ABHD3: variants seen among roughly 807,000 people sequenced by gnomAD.
ABHD3 encodes the protein abhydrolase domain containing 3, phospholipase.
In ABHD3, 46 loss-of-function variants were observed where a neutral mutation model predicts 48.8. The ratio of observed to expected loss-of-function variants is 0.94; its 90% CI spans 0.74 to 1.20. The LOEUF (loss-of-function observed/expected upper bound fraction) is 1.20, where lower values mean the gene tolerates loss of function less well. Among genes scored for constraint, ABHD3 ranks in the 50% most tolerant of loss-of-function variants. The pLI, the probability that ABHD3 is intolerant of heterozygous loss-of-function variation, is 0.00. For synonymous variants in ABHD3, 192 were observed against 183.7 expected (o/e 1.04, Z -0.36); for missense variants, 490 against 497.8 (o/e 0.98, Z 0.15).
intron 5 of ABHD3, 28 bp from the exon 6 acceptor site, chr18:21,659,371 G>C: frequency 1.3e-6 from 2 of 1,590,054 alleles, no homozygotes; most frequent in Non-Finnish European, 1.7e-6. Flanking sequence ...AGGAAACTCA[G>C]TGATTAATTT....
chr18:21,653,980 G>A (rs1236679818), intron 8 of ABHD3, among the ~76,000 whole-genome samples: 3 of 151,712 alleles, frequency 2.0e-5, no homozygotes, highest in Non-Finnish European at 4.4e-5. Context: ...TGAGTAGCTG[G>A]GATCACAGGT....
chr18:21,664,126 T>C lies in ABHD3; in HGVS notation c.660A>G (p.Ser220=). The C allele has an allele frequency of 6.2e-7, 1 of 1,608,528 alleles. No individual in the cohort carries two copies. Residue 220 remains serine (S), a synonymous_variant, in exon 5 of 9, where the codon TCA becomes TCG. Coordinates refer to ENST00000289119, the MANE Select transcript of ABHD3 (RefSeq NM_138340.5). Reference sequence around the variant, plus strand: ...GAAAGGGAAAACCTTACCCTCCCATTGAAACCCCTGCTGCCAGGAAAGGAG... The same window carrying C: ...GAAAGGGAAAACCTTACCCTCCCATCGAAACCCCTGCTGCCAGGAAAGGAG... ...PSAPFLAAGV[S]MGGMLLLNYL... is the part of the protein sequence containing the mutation.
chr18:21,667,209 G>T (rs2039651655), intron 4 of ABHD3, among the ~76,000 whole-genome samples: 1 of 147,456 alleles, frequency 6.8e-6, no homozygotes, highest in Non-Finnish European at 1.5e-5. Context: ...ATGTAGCTGG[G>T]ATTACAGGCG....
At chr18:21,701,546 A>T (rs1383881404) in intron 3 of ABHD3, 1 of 152,128 alleles carries the variant, frequency 6.6e-6, no homozygotes, top group Non-Finnish European at 1.5e-5. Context: ...AGCTTTTCAC[A>T]CAAGTGTTTC....
chr18:21,695,226 C>T (rs2040343572), intron 3 of ABHD3, among the ~76,000 whole-genome samples: 2 of 152,180 alleles, frequency 1.3e-5, no homozygotes. Flanking sequence ...GATGGGGTTT[C>T]ACCATGTTGG....
intron 3 of ABHD3, among the ~76,000 whole-genome samples, chr18:21,700,922 C>T (rs1172030505): frequency 7.6e-6 from 1 of 131,798 alleles, no homozygotes; most frequent in African/African-American, 3.0e-5. Flanking sequence ...CACTGCGCTC[C>T]ATGCTGGGCA....
chr18:21,690,505 G>A (rs150900271), intron 3 of ABHD3, among the ~76,000 whole-genome samples: 22,263 of 152,006 alleles, frequency 0.15, 1,950 homozygotes, highest in Middle Eastern at 0.26. Context: ...AGGAGGTTGA[G>A]GCAGGAGAAT....
intron 4 of ABHD3, among the ~76,000 whole-genome samples, chr18:21,674,211 A>G (rs2039822957): frequency 6.8e-6 from 1 of 148,016 alleles, no homozygotes; most frequent in South Asian, 2.1e-4. Flanking sequence ...CTCTTCCATT[A>G]TTCAACAAAA....
At position 21,673,025 on chromosome 18, in the gene ABHD3, T is replaced by C. The variant is rs992910940; in HGVS notation, c.556-8795A>G. 8.5e-5 allele frequency among the ~76,000 whole-genome samples: 13 copies of C among 152,316 alleles called. 1 individual carries two copies. The highest frequency in any genetic ancestry group is 8.5e-4 in the Admixed American group (13 of 15,306). Reference sequence around the variant, plus strand: ...CGTGCATGCTCATGATGTCAGGTTATACAAGCTACACCAATAAATGAGCAG... The same window carrying C: ...CGTGCATGCTCATGATGTCAGGTTACACAAGCTACACCAATAAATGAGCAG... On this transcript the variant is annotated intron_variant, in intron 4 of 8. Transcript: ENST00000289119.
In ABHD3 at chr18:21,686,080, G is replaced by C. The variant is rs2040123235; in HGVS notation, c.510-2115C>G. Among the ~76,000 whole-genome samples, 4 of 152,180 alleles carry C rather than the reference G, an allele frequency of 2.6e-5. No homozygotes were observed. In the South Asian group the frequency reaches 8.3e-4, roughly 31 times the overall value. ...GTTGGTCTCTAACTCCTGGGCTCAA[G>C]TGATCCTCCTGCCTTGGCCTCCCAA... On this transcript the variant is annotated intron_variant, in intron 3 of 8. Transcript: ENST00000289119.
chr18:21,683,781 C>T, intron 4 of ABHD3, 139 bp downstream of exon 4: 3 of 810,624 alleles, frequency 3.7e-6, no homozygotes, highest in Non-Finnish European at 5.2e-6. Flanking sequence ...CCTTTTTTTC[C>T]ATATCTGTAT....
At chr18:21,658,425 ACT>A (rs1386082585) in intron 6 of ABHD3, among the ~76,000 whole-genome samples, 2 of 152,308 alleles carry the variant, frequency 1.3e-5, no homozygotes, top group African/African-American at 4.8e-5. Context: ...TCCAGGAAAG[ACT>A]TAGGTATTAC....
chr18:21,675,406 C>T (rs539393351), intron 4 of ABHD3, among the ~76,000 whole-genome samples: 4 of 151,710 alleles, frequency 2.6e-5, no homozygotes, highest in African/African-American at 7.3e-5. Flanking sequence ...GCAGCTGGGA[C>T]TACAGGCGCC....
intron 5 of ABHD3, among the ~76,000 whole-genome samples, chr18:21,660,231 CTGA>C (rs2039460839): frequency 2.0e-5 from 3 of 147,278 alleles, no homozygotes; most frequent in African/African-American, 5.0e-5. Flanking sequence ...TAAATGACTA[CTGA>C]TGTCTAGGTC....
intron 8 of ABHD3, among the ~76,000 whole-genome samples, chr18:21,655,705 T>C (rs1339718885): frequency 1.3e-5 from 2 of 150,520 alleles, no homozygotes; most frequent in Non-Finnish European, 3.0e-5. Flanking sequence ...CCAGGCATGG[T>C]GGCGGGCACC....
Position 21,667,120 on chromosome 18 carries a change from C to T in ABHD3, c.556-2890G>A, listed in dbSNP as rs1014019329. Among the ~76,000 whole-genome samples the T allele has an allele frequency of 2.0e-5, 3 of 149,680 alleles. No homozygotes were observed. The Admixed American group carries it at 2.0e-4, about 10-fold the overall frequency. ...GACAAGTCTCGCTCTGTCGCCCAGG[C>T]TGGAGTGCAGTGGTGCGATCTCGGC... is the stretch of plus-strand genomic sequence containing the variant. On this transcript the variant is annotated intron_variant, in intron 4 of 8. Transcript: ENST00000289119.
At chr18:21,703,796 C>T (rs1363296989) in intron 1 of ABHD3, 49 bp from the exon 2 acceptor site, 1 of 1,580,520 alleles carries the variant, frequency 6.3e-7, no homozygotes, top group East Asian at 2.3e-5. Context: ...AAGTTTCTGC[C>T]AACCGTAAAC....
chr18:21,698,153 T>C (rs968235625), intron 3 of ABHD3, among the ~76,000 whole-genome samples: 3 of 152,156 alleles, frequency 2.0e-5, no homozygotes, highest in African/African-American at 7.2e-5. Flanking sequence ...AAGAGGTAGA[T>C]TTGCTTGTAC....
intron 3 of ABHD3, among the ~76,000 whole-genome samples, chr18:21,697,388 T>A (rs890809191): frequency 2.6e-5 from 4 of 151,474 alleles, no homozygotes; most frequent in South Asian, 2.1e-4. Flanking sequence ...ATCCTTTTTT[T>A]AAAAAAACTG....
Sources: allele counts gnomAD v4.1 joint callset (sites outside exome capture counted in the v4.1 genomes callset), GRCh38; gene constraint gnomAD v4.1.1; transcripts MANE v1.5; gene names NCBI Gene and HGNC (gene_info 2026-07-23, HGNC 2026-07-21).